The following COBLL1 variants were observed in gnomAD, a reference collection of about 807,000 sequenced individuals.
COBLL1 encodes cordon-bleu WH2 repeat protein like 1.
A neutral mutation model predicts 94.8 loss-of-function variants in COBLL1; 50 were observed. The ratio of observed to expected loss-of-function variants is 0.53; its 90% CI spans 0.42 to 0.67. The LOEUF is 0.67. Ranked by LOEUF, COBLL1 falls within the 30% of genes least tolerant of loss-of-function variation. The probability of loss-of-function intolerance (pLI) is 0.00; values close to 1 mark genes in which losing one functional copy is unlikely to be tolerated. For synonymous variants in COBLL1, 448 were observed against 473.8 expected, an observed-to-expected ratio of 0.95 and a Z score of 0.71; for missense variants, 1,362 against 1,348.7, an observed-to-expected ratio of 1.01 and a Z score of -0.15.
intron 2 of COBLL1, among the ~76,000 whole-genome samples, chr2:164,826,340 T>C (rs1425631696): frequency 6.6e-6 from 1 of 152,208 alleles, no homozygotes; most frequent in Non-Finnish European, 1.5e-5. Context: ...ACTTATGAAC[T>C]TTCTAACCAA....
At chr2:164,752,527 G>A (rs1030789813) in intron 2 of COBLL1, among the ~76,000 whole-genome samples, 4 of 152,078 alleles carry the variant, frequency 2.6e-5, no homozygotes, top group African/African-American at 7.2e-5. Context: ...TTTTGTCTAC[G>A]TTTAATCTTA....
downstream of COBLL1, among the ~76,000 whole-genome samples, chr2:164,679,772 G>A (rs1389806973): frequency 6.6e-6 from 1 of 150,468 alleles, no homozygotes; most frequent in African/African-American, 2.4e-5. Context: ...TCATACACTG[G>A]GCCTCTCGGG....
At chr2:164,703,659 T>A (rs1437459898) in intron 9 of COBLL1, 2 of 385,622 alleles carry the variant, frequency 5.2e-6, no homozygotes, top group Admixed American at 8.9e-5. Context: ...AGAGTGTTCC[T>A]CCTAAATGTT....
At chr2:164,784,388 C>T (rs1334100420) in intron 2 of COBLL1, among the ~76,000 whole-genome samples, 6 of 152,004 alleles carry the variant, frequency 3.9e-5, no homozygotes, top group Non-Finnish European at 7.4e-5. Flanking sequence ...ATTTTAAGTT[C>T]ATTTCTTTAA....
intron 2 of COBLL1, among the ~76,000 whole-genome samples, chr2:164,758,474 T>C (rs1054513234): frequency 2.6e-5 from 4 of 152,204 alleles, no homozygotes; most frequent in Non-Finnish European, 4.4e-5. Flanking sequence ...TGCTCACTTA[T>C]GATTCCAGTC....
rs542745419 is a variant in COBLL1, at chr2:164,839,817, A to C, written c.41+1339T>G. ...TTTCTTTACTCATCCTAATGTGAGA[A>C]TATATGTCAGGATATATGAAAATAT... On this transcript the variant is annotated intron_variant, in intron 2 of 13. Transcript: ENST00000652658. Among the ~76,000 whole-genome samples the C allele has an allele frequency of 3.3e-5, 5 of 152,332 alleles. No individual in the cohort carries two copies. The East Asian group carries it at 9.6e-4, about 29-fold the overall frequency.
At chr2:164,805,783 C>T (rs961736048) in intron 2 of COBLL1, among the ~76,000 whole-genome samples, 5 of 152,072 alleles carry the variant, frequency 3.3e-5, no homozygotes, top group African/African-American at 1.2e-4. Flanking sequence ...AATAAAGCTG[C>T]CATAAATATC....
intron 7 of COBLL1, among the ~76,000 whole-genome samples, chr2:164,721,599 A>G: frequency 6.6e-6 from 1 of 152,234 alleles, no homozygotes; most frequent in Non-Finnish European, 1.5e-5. Flanking sequence ...GTATCTATGT[A>G]CTAGGTAGAT....
chr2:164,720,358 T>G (rs1685381605), intron 7 of COBLL1, among the ~76,000 whole-genome samples: 1 of 151,856 alleles, frequency 6.6e-6, no homozygotes, highest in Non-Finnish European at 1.5e-5. Flanking sequence ...TAGCTTTCAG[T>G]GAGGTCACTG....
intron 2 of COBLL1, among the ~76,000 whole-genome samples, chr2:164,818,463 T>A (rs892974474): frequency 6.7e-6 from 1 of 149,780 alleles, no homozygotes; most frequent in African/African-American, 2.4e-5. Flanking sequence ...ATTGTATACA[T>A]ATACACATAT....
At chr2:164,666,480 G>A (rs1691160572) in intron 1 of COBLL1, among the ~76,000 whole-genome samples, 1 of 152,168 alleles carries the variant, frequency 6.6e-6, no homozygotes, top group South Asian at 2.1e-4. Flanking sequence ...GTTTGCTGGA[G>A]GCTGAGGTGG....
rs979678155 is a variant in COBLL1 at position 164,698,270 on chromosome 2, A to C, written c.1555+1135T>G. The stretch of plus-strand genomic sequence containing the variant: ...TGACTCAAGTGGAAAAGAATGAAAA[A>C]ATTATTTGCTTTTAGACCTTCTCAG... On this transcript the variant is annotated intron_variant, in intron 11 of 13. Transcript: ENST00000652658. The C allele has an allele frequency of 7.9e-5, 12 of 151,796 alleles. No homozygotes were observed. The South Asian group carries it at 8.3e-4, about 10-fold the overall frequency. 9.4% of individuals were successfully genotyped at this position (151,796 alleles called of 1,614,324 possible).
intron 2 of COBLL1, among the ~76,000 whole-genome samples, chr2:164,759,502 TTA>T (rs1161961689): frequency 2.6e-5 from 4 of 152,038 alleles, no homozygotes; most frequent in African/African-American, 9.7e-5. Context: ...GGCCATAGGA[TTA>T]GCTATGACAT....
chr2:164,705,363 T>C (rs1021729243), intron 7 of COBLL1: 8 of 308,300 alleles, frequency 2.6e-5, no homozygotes, highest in Non-Finnish European at 4.1e-5. Flanking sequence ...AACTGTAATG[T>C]AGAGGACTCA....
In COBLL1 at chr2:164,700,519, T is replaced by A; in HGVS notation, c.1460+3A>T. ...CCAACACTCCAGCACAGAGACTACT[T>A]ACTGTCCATCTGTGCTTTTAGTTTC... On this transcript the variant is annotated splice_donor_region_variant and intron_variant, in intron 10 of 13. Transcript: ENST00000652658. 6.3e-7 allele frequency: 1 copy of A among 1,592,292 alleles called. No homozygotes were observed. The highest frequency in any genetic ancestry group is 8.6e-7 in the Non-Finnish European group (1 of 1,160,740).
At chr2:164,840,388 T>A (rs1683532682) in intron 2 of COBLL1, among the ~76,000 whole-genome samples, 1 of 152,076 alleles carries the variant, frequency 6.6e-6, no homozygotes, top group Admixed American at 6.5e-5. Flanking sequence ...CCAAGGTTAT[T>A]TTCAGGTTTT....
rs1347872318 is a variant in COBLL1 at position 164,743,819 on chromosome 2, A to G, written c.98T>C (p.Val33Ala). The G allele has an allele frequency of 1.2e-6, 2 of 1,612,652 alleles. No individual in the cohort carries two copies. The highest frequency in any genetic ancestry group is 1.7e-6 in the Non-Finnish European group (2 of 1,179,138). ...TTCTACAGAATCAGCAGCTGAAGAGACATCAGTATATTTGGTCTCAGCTGG... is the reference window on the plus strand; with the variant it reads ...TTCTACAGAATCAGCAGCTGAAGAGGCATCAGTATATTTGGTCTCAGCTGG... ...LPPAETKYTD[V>A]SSAADSVEST... The change falls in exon 3 of 14, where the codon GTC (valine) becomes GCC (alanine). Residue 33 changes from valine to alanine, a missense_variant. Val to Ala is a moderately conservative substitution (Grantham distance 64). Transcript: ENST00000652658.
intron 3 of COBLL1, among the ~76,000 whole-genome samples, chr2:164,741,697 T>C: frequency 6.6e-6 from 1 of 152,144 alleles, no homozygotes; most frequent in East Asian, 1.9e-4. Context: ...TGATGGAAAG[T>C]TACTCAGATT....
chr2:164,742,486 T>TA (rs1686651898), intron 3 of COBLL1, among the ~76,000 whole-genome samples: 1 of 152,118 alleles, frequency 6.6e-6, no homozygotes, highest in Non-Finnish European at 1.5e-5. Context: ...CCATTGTCTC[T>TA]AACTTTCAAG....
Sources: gnomAD v4.1 joint callset for allele counts (sites outside exome capture counted in the v4.1 genomes callset) on GRCh38, gnomAD v4.1.1 for gene constraint, MANE v1.5 for transcripts, NCBI Gene and HGNC (gene_info 2026-07-23, HGNC 2026-07-21) for gene names.